Variants in ABLIM2 observed in about 807,000 individuals in gnomAD.
ABLIM2 encodes actin binding LIM protein family member 2.
A neutral mutation model predicts 97.7 loss-of-function variants in ABLIM2; 53 were observed. The ratio of observed to expected loss-of-function variants is 0.54; its 90% CI spans 0.44 to 0.68. The LOEUF is 0.68. ABLIM2 is among the 30% of genes least tolerant of loss of function. ABLIM2 has a pLI of 0.00. For missense variants in ABLIM2, 835 were observed against 867.2 expected (o/e 0.96, Z 0.47); for synonymous variants, 361 against 345.8 (o/e 1.04, Z -0.49).
In ABLIM2 at chr4:8,130,504, A is replaced by G. The variant is rs1164957559; in HGVS notation, c.11-23867T>C. On this transcript the variant is annotated intron_variant, in intron 1 of 20. Coordinates refer to ENST00000447017, the MANE Select transcript of ABLIM2 (RefSeq NM_001130083.2). This position sits in a 1 kb window ranked among gnomAD's most constrained non-coding sequence, Gnocchi z 4.2. ...TCTGGGCCTTTCCACAGCTTTTTAGAATATCAAGTTGTCTAAGCTTCCCCG... is the reference window on the plus strand; with the variant it reads ...TCTGGGCCTTTCCACAGCTTTTTAGGATATCAAGTTGTCTAAGCTTCCCCG... Among the ~76,000 whole-genome samples the G allele has an allele frequency of 3.3e-5, 5 of 151,878 alleles. No homozygotes were observed. Among genetic ancestry groups the G allele is most frequent in the African/African-American group, 9.7e-5 (4 of 41,336 alleles).
At position 8,130,283 on chromosome 4, in the gene ABLIM2, G is replaced by A. The variant is rs1010638907; in HGVS notation, c.11-23646C>T. ...CCCGGCCGCATCTGTCACCAGTTCC[G>A]GGATGGCCCATGCTGGGAAACATCA... On this transcript the variant is annotated intron_variant, in intron 1 of 20. Coordinates refer to ENST00000447017, the MANE Select transcript of ABLIM2 (RefSeq NM_001130083.2). The surrounding 1 kb of genome is among the most constrained non-coding windows in gnomAD (Gnocchi z 4.2). 2.6e-5 allele frequency among the ~76,000 whole-genome samples: 4 copies of A among 152,180 alleles called. No homozygotes were observed. Among genetic ancestry groups the A allele is most frequent in the African/African-American group, 7.2e-5 (3 of 41,456 alleles).
intron 8 of ABLIM2, among the ~76,000 whole-genome samples, chr4:8,053,813 T>G (rs1428139615): frequency 6.6e-6 from 1 of 152,084 alleles, no homozygotes; most frequent in African/African-American, 2.4e-5. Flanking sequence ...TGGCCCCTTT[T>G]TCCTCTTTGT....
intron 14 of ABLIM2, among the ~76,000 whole-genome samples, chr4:8,011,802 TTCCTTGGGAAA>T (rs1337007094): frequency 6.6e-6 from 1 of 152,210 alleles, no homozygotes; most frequent in Non-Finnish European, 1.5e-5. Context: ...ACTCCCTGTA[TTCCTTGGGAAA>T]TCTTTGGTTG....
chr4:8,155,387 A>G lies in ABLIM2; in HGVS notation c.10+3293T>C, dbSNP rs1280812779. Among the ~76,000 whole-genome samples, 3 of 152,192 alleles carry G rather than the reference A, an allele frequency of 2.0e-5. No homozygotes were observed. Among genetic ancestry groups the G allele is most frequent in the African/African-American group, 7.2e-5 (3 of 41,446 alleles). ...CTAGGGCTCAGGTTCGGGCTCTGCC[A>G]CATCCTCTCCTTGGCCCTGGACAGC... On this transcript the variant is annotated intron_variant, in intron 1 of 20. Transcript: ENST00000447017. The surrounding 1 kb of genome is among the most constrained non-coding windows in gnomAD (Gnocchi z 4.2).
chr4:7,989,861 G>A (rs1378674482), intron 17 of ABLIM2, among the ~76,000 whole-genome samples: 1 of 152,192 alleles, frequency 6.6e-6, no homozygotes, highest in East Asian at 1.9e-4. Context: ...CACATGGTAT[G>A]CATCAGAGTC....
At position 8,148,847 on chromosome 4, in the gene ABLIM2, C is replaced by T. The variant is rs148491050; in HGVS notation, c.10+9833G>A. ...GACCCCCACCTCTCCATGAGACCAC[C>T]CCTATCTCCTCCCAGAGCTGCTGAT... On this transcript the variant is annotated intron_variant, in intron 1 of 20. Coordinates refer to ENST00000447017, the MANE Select transcript of ABLIM2 (RefSeq NM_001130083.2). This position sits in a 1 kb window ranked among gnomAD's most constrained non-coding sequence, Gnocchi z 6.7. Among the ~76,000 whole-genome samples, 729 of 152,276 alleles carry T rather than the reference C, an allele frequency of 4.8e-3. 6 individuals carry two copies. Among genetic ancestry groups the T allele is most frequent in the Middle Eastern group, 0.01 (3 of 294 alleles).
chr4:7,973,818 T>C (rs1730328687), intron 20 of ABLIM2, among the ~76,000 whole-genome samples: 1 of 152,094 alleles, frequency 6.6e-6, no homozygotes, highest in Non-Finnish European at 1.5e-5. Flanking sequence ...CTGAGATGGC[T>C]GAGCTGTATG....
In ABLIM2 at chr4:8,084,929, G is replaced by A. The variant is rs758900965; in HGVS notation, c.454+3240C>T. Among the ~76,000 whole-genome samples, 4 of 152,298 alleles carry A rather than the reference G, an allele frequency of 2.6e-5. No individual in the cohort carries two copies. In the South Asian group the frequency reaches 6.2e-4, roughly 24 times the overall value. On this transcript the variant is annotated intron_variant, in intron 4 of 20. Coordinates refer to ENST00000447017, the MANE Select transcript of ABLIM2 (RefSeq NM_001130083.2). Reference sequence around the variant, plus strand: ...ACGGCGCTCGCACTCTGCGACGGCCGCCCTGTGACAGGCTCGTGACCAGCA... The same window carrying A: ...ACGGCGCTCGCACTCTGCGACGGCCACCCTGTGACAGGCTCGTGACCAGCA...
rs140134704 is a variant in ABLIM2, at chr4:7,986,525, A to T, written c.1681-1632T>A. 3.3e-5 allele frequency among the ~76,000 whole-genome samples: 5 copies of T among 152,258 alleles called. No homozygotes were observed. Among genetic ancestry groups the T allele is most frequent in the African/African-American group, 1.2e-4 (5 of 41,552 alleles). On this transcript the variant is annotated intron_variant, in intron 17 of 20. Transcript: ENST00000447017. This position sits in a 1 kb window ranked among gnomAD's most constrained non-coding sequence, Gnocchi z 4.3. Reference sequence around the variant, plus strand: ...TTTTTTACATTAATTTGGATTTCTAAAACTATTGCATTAAACTTATCCTGA... The same window carrying T: ...TTTTTTACATTAATTTGGATTTCTATAACTATTGCATTAAACTTATCCTGA...
chr4:8,036,070 C>G (rs1784294961), intron 10 of ABLIM2, 79 bp downstream of exon 10: 1 of 1,529,352 alleles, frequency 6.5e-7, no homozygotes, highest in Admixed American at 1.9e-5. Context: ...CCATAGGACA[C>G]ATGCTAGGGA....
In ABLIM2 at chr4:8,105,600, C is replaced by T. The variant is rs1209060484; in HGVS notation, c.154+894G>A. Among the ~76,000 whole-genome samples the T allele has an allele frequency of 2.6e-5, 4 of 152,198 alleles. No individual in the cohort carries two copies. The East Asian group carries it at 5.8e-4, about 22-fold the overall frequency. ...AAACCGTCAGCGCACTAGGGTTCAT[C>T]GAGGGTCGTTATGGTTAAGCGAGTG... On this transcript the variant is annotated intron_variant, in intron 2 of 20. Coordinates refer to ENST00000447017, the MANE Select transcript of ABLIM2 (RefSeq NM_001130083.2).
chr4:8,056,989 A>C (rs1799656228), intron 7 of ABLIM2, among the ~76,000 whole-genome samples: 1 of 151,004 alleles, frequency 6.6e-6, no homozygotes, highest in Non-Finnish European at 1.5e-5. Context: ...ATTAAATTAA[A>C]TATCAAAACA....
At chr4:8,142,954 C>T (rs1056646214) in intron 1 of ABLIM2, among the ~76,000 whole-genome samples, 10 of 152,150 alleles carry the variant, frequency 6.6e-5, no homozygotes, top group Admixed American at 1.3e-4. Flanking sequence ...GGCACAGGGA[C>T]GTGGCCTTGG....
chr4:7,971,627 T>G (rs1478140845), intron 20 of ABLIM2, among the ~76,000 whole-genome samples: 1 of 152,100 alleles, frequency 6.6e-6, no homozygotes, highest in Admixed American at 6.5e-5. Context: ...GCCTCCCACC[T>G]GGACCTCCAG....
chr4:8,158,537 G>A, intron 1 of ABLIM2, 143 bp downstream of exon 1: 1 of 1,084,386 alleles, frequency 9.2e-7, no homozygotes, highest in South Asian at 1.6e-5. Context: ...CCTCGGGGCT[G>A]CAAAATCCTG....
intron 14 of ABLIM2, among the ~76,000 whole-genome samples, chr4:8,010,210 C>A (rs1764030076): frequency 6.6e-6 from 1 of 152,246 alleles, no homozygotes; most frequent in African/African-American, 2.4e-5. Flanking sequence ...TGTCACCCAG[C>A]TGGGCTGACA....
intron 14 of ABLIM2, among the ~76,000 whole-genome samples, chr4:8,017,295 A>G (rs918651981): frequency 8.1e-5 from 12 of 148,164 alleles, no homozygotes; most frequent in African/African-American, 3.0e-4. Context: ...TATTATTATT[A>G]TTATTATTTT....
chr4:8,081,746 G>T (rs1329133211), intron 4 of ABLIM2, among the ~76,000 whole-genome samples: 3 of 152,176 alleles, frequency 2.0e-5, no homozygotes, highest in African/African-American at 7.2e-5. Context: ...AGGCAGAGCG[G>T]CAGAGACGCT....
chr4:8,018,214 A>G (rs759351771), intron 14 of ABLIM2, among the ~76,000 whole-genome samples: 28 of 152,192 alleles, frequency 1.8e-4, no homozygotes, highest in African/African-American at 6.5e-4. Context: ...TAAGGCACCA[A>G]TCTGAGACAA....
Sources: allele counts gnomAD v4.1 joint callset (sites outside exome capture counted in the v4.1 genomes callset), GRCh38; gene constraint gnomAD v4.1.1; non-coding constraint Gnocchi (gnomAD v3.1); transcripts MANE v1.5; gene names NCBI Gene and HGNC (gene_info 2026-07-23, HGNC 2026-07-21).